PLGRKT: variants seen among roughly 807,000 people sequenced by gnomAD.
PLGRKT encodes the protein plasminogen receptor with a C-terminal lysine.
Under a neutral mutation model 18.5 loss-of-function variants are expected in PLGRKT, and 22 were observed. The observed-to-expected ratio is 1.19, with a 90% confidence interval of 0.85 to 1.70. The LOEUF is 1.70. Ranked by LOEUF, PLGRKT falls within the 40% of genes most tolerant of loss-of-function variation. The pLI, the probability that PLGRKT is intolerant of heterozygous loss-of-function variation, is 0.00. For missense variants in PLGRKT, 235 were observed against 174.4 expected, an observed-to-expected ratio of 1.35 and a Z score of -1.96; for synonymous variants, 72 against 52.8, an observed-to-expected ratio of 1.36 and a Z score of -1.58.
intron 3 of PLGRKT, among the ~76,000 whole-genome samples, chr9:5,414,816 G>A (rs1818428721): frequency 6.6e-6 from 1 of 151,792 alleles, no homozygotes; most frequent in Non-Finnish European, 1.5e-5. Flanking sequence ...CAGTACCTGA[G>A]GAAAAAAAAC....
chr9:5,381,520 G>A (rs192743813), intron 3 of PLGRKT, among the ~76,000 whole-genome samples: 1 of 152,254 alleles, frequency 6.6e-6, no homozygotes, highest in Admixed American at 6.5e-5. Flanking sequence ...CAGTTTCAGA[G>A]GATGTACAGA....
At chr9:5,375,003 C>G (rs1195993579) in intron 3 of PLGRKT, among the ~76,000 whole-genome samples, 3 of 152,064 alleles carry the variant, frequency 2.0e-5, no homozygotes, top group African/African-American at 4.8e-5. Context: ...TATTTAATCC[C>G]TGTAGACACT....
At chr9:5,387,824 G>C (rs1817874020) in intron 3 of PLGRKT, among the ~76,000 whole-genome samples, 1 of 151,840 alleles carries the variant, frequency 6.6e-6, no homozygotes, top group African/African-American at 2.4e-5. Flanking sequence ...TTGCAGATGG[G>C]CAAGGGTAAC....
At chr9:5,426,580 T>C (rs1388344067) in intron 3 of PLGRKT, among the ~76,000 whole-genome samples, 1 of 152,122 alleles carries the variant, frequency 6.6e-6, no homozygotes, top group African/African-American at 2.4e-5. Flanking sequence ...AAGAAATAAA[T>C]AATAAAGTGT....
intron 3 of PLGRKT, among the ~76,000 whole-genome samples, chr9:5,415,253 G>T (rs1257454172): frequency 6.6e-6 from 1 of 152,128 alleles, no homozygotes; most frequent in Non-Finnish European, 1.5e-5. Context: ...AATCTGGGCC[G>T]CAAAATAAAT....
At chr9:5,409,345 C>A (rs369214355) in intron 3 of PLGRKT, among the ~76,000 whole-genome samples, 1 of 152,180 alleles carries the variant, frequency 6.6e-6, no homozygotes, top group Non-Finnish European at 1.5e-5. Flanking sequence ...GGCAGAAAGA[C>A]GTGAAAAGGT....
chr9:5,428,680 G>T (rs1187479538), intron 3 of PLGRKT, among the ~76,000 whole-genome samples: 7 of 152,100 alleles, frequency 4.6e-5, no homozygotes, highest in Non-Finnish European at 1.0e-4. Context: ...AAACTCTTTT[G>T]TCTCTGTTCT....
chr9:5,361,867 G>A lies in PLGRKT; in HGVS notation c.103C>T (p.Gln35Ter), dbSNP rs778931477. Reference protein sequence around the residue: ...RLQLERQLIMQSEMRERQMAM... With the variant: ...RLQLERQLIM Reference sequence around the variant, plus strand: ...ATTTGTCTTTCCCTCATTTCACTCTGCATGATGAGCTGCCTTTCCAGCTAA... The same window carrying A: ...ATTTGTCTTTCCCTCATTTCACTCTACATGATGAGCTGCCTTTCCAGCTAA... Residue 35 changes from glutamine (Q) to a stop codon, truncating the protein, a stop_gained, in exon 4 of 6, where the codon CAG (glutamine) becomes TAG (stop). Coordinates refer to ENST00000223864, the MANE Select transcript of PLGRKT (RefSeq NM_018465.4). LOFTEE classifies it high-confidence loss of function. 2.4e-5 allele frequency: 38 copies of A among 1,612,594 alleles called. No homozygotes were observed. Among genetic ancestry groups the A allele is most frequent in the Non-Finnish European group, 2.8e-5 (33 of 1,179,414 alleles).
At chr9:5,363,000 A>G (rs753354651) in intron 3 of PLGRKT, among the ~76,000 whole-genome samples, 5 of 152,024 alleles carry the variant, frequency 3.3e-5, no homozygotes, top group Non-Finnish European at 7.4e-5. Context: ...ATCTCCCTCA[A>G]CAGCCAAGGG....
At chr9:5,396,173 C>A (rs1818044803) in intron 3 of PLGRKT, among the ~76,000 whole-genome samples, 1 of 151,770 alleles carries the variant, frequency 6.6e-6, no homozygotes. Context: ...GGATTACAGG[C>A]ATGAATCACC....
chr9:5,406,385 T>G (rs1304765374), intron 3 of PLGRKT, among the ~76,000 whole-genome samples: 1 of 152,082 alleles, frequency 6.6e-6, no homozygotes, highest in African/African-American at 2.4e-5. Flanking sequence ...ACAGACTGGA[T>G]AAAGAAAGTG....
rs147177088 is a variant in PLGRKT, at chr9:5,402,929, T to C, written c.81+28968A>G. Among the ~76,000 whole-genome samples the C allele has an allele frequency of 4.0e-5, 6 of 151,686 alleles. No individual in the cohort carries two copies. In the East Asian group the frequency reaches 9.7e-4, roughly 24 times the overall value. ...AGGCAAATGTCTTGACAAGAAAAAATTGAAAACAGAAATGAGCAAGGGGCA... is the reference window on the plus strand; with the variant it reads ...AGGCAAATGTCTTGACAAGAAAAAACTGAAAACAGAAATGAGCAAGGGGCA... On this transcript the variant is annotated intron_variant, in intron 3 of 5. Transcript: ENST00000223864.
chr9:5,398,447 G>T (rs4008400), intron 3 of PLGRKT, among the ~76,000 whole-genome samples: 5 of 152,098 alleles, frequency 3.3e-5, no homozygotes, highest in Admixed American at 1.3e-4. Flanking sequence ...GTTTTGCCTG[G>T]AGGAAAGAAA....
At chr9:5,377,099 A>C (rs894677685) in intron 3 of PLGRKT, among the ~76,000 whole-genome samples, 1 of 152,212 alleles carries the variant, frequency 6.6e-6, no homozygotes, top group Admixed American at 6.5e-5. Context: ...GTGGATAAGG[A>C]GGTAATGAAA....
chr9:5,412,132 C>A (rs1818377452), intron 3 of PLGRKT, among the ~76,000 whole-genome samples: 1 of 151,912 alleles, frequency 6.6e-6, no homozygotes, highest in South Asian at 2.1e-4. Context: ...ATTAGAGTGT[C>A]CAGAAACAAA....
rs1817250501 is a variant in PLGRKT, at chr9:5,360,996, T to A, written c.322+82A>T. On this transcript the variant is annotated intron_variant, in intron 5 of 5. Transcript: ENST00000223864. The stretch of plus-strand genomic sequence containing the variant: ...AGAGAGAGTCTTGTCAGAATCTTTA[T>A]AAGTCAAAGGTTCCTAAGGCAGGGA... 4 of 758,792 alleles carry A rather than the reference T, an allele frequency of 5.3e-6. No individual in the cohort carries two copies. In the Admixed American group the frequency reaches 6.8e-5, roughly 13 times the overall value. The allele number at this position is 758,792 out of a possible 1,614,324, so 47.0% of individuals were successfully genotyped here.
intron 3 of PLGRKT, among the ~76,000 whole-genome samples, chr9:5,413,410 T>C (rs112717318): frequency 0.016 from 2,385 of 152,274 alleles, 62 homozygotes; most frequent in African/African-American, 0.051. Flanking sequence ...TTTGTAGATC[T>C]GACTCAGCTC....
At chr9:5,400,016 A>C (rs1279709460) in intron 3 of PLGRKT, among the ~76,000 whole-genome samples, 1 of 151,730 alleles carries the variant, frequency 6.6e-6, no homozygotes, top group Non-Finnish European at 1.5e-5. Flanking sequence ...ATAAATAAAT[A>C]AATAAAGTGT....
chr9:5,428,864 AATTTTTT>A (rs2131173007), intron 3 of PLGRKT, among the ~76,000 whole-genome samples: 1 of 152,160 alleles, frequency 6.6e-6, no homozygotes, highest in South Asian at 2.1e-4. Context: ...ATGCCTGGCT[AATTTTTT>A]AAATTTTTTA....
Sources: gnomAD v4.1 joint callset for allele counts (sites outside exome capture counted in the v4.1 genomes callset) on GRCh38, gnomAD v4.1.1 for gene constraint, MANE v1.5 for transcripts, NCBI Gene and HGNC (gene_info 2026-07-23, HGNC 2026-07-21) for gene names.